Variants in AFG1L observed in about 807,000 individuals in gnomAD.
AFG1L encodes AFG1-like ATPase.
A neutral mutation model predicts 62.2 loss-of-function variants in AFG1L; 53 were observed. The observed-to-expected ratio is 0.85, with a 90% confidence interval of 0.68 to 1.07. The LOEUF (loss-of-function observed/expected upper bound fraction) is 1.07, where lower values mean the gene tolerates loss of function less well. AFG1L is among the 50% of genes least tolerant of loss of function. AFG1L has a pLI of 0.00. For missense variants in AFG1L, 555 were observed against 590.5 expected (o/e 0.94, Z 0.62); for synonymous variants, 228 against 210.3 (o/e 1.08, Z -0.73).
At chr6:108,364,865 C>CAA (rs869268005) in intron 5 of AFG1L, among the ~76,000 whole-genome samples, 3 of 94,154 alleles carry the variant, frequency 3.2e-5, no homozygotes, top group Non-Finnish European at 6.4e-5. Flanking sequence ...CTGAGACAGC[C>CAA]AAAAAAAAAA....
chr6:108,296,678 A>G (rs1411268413), intron 1 of AFG1L, among the ~76,000 whole-genome samples: 3 of 152,188 alleles, frequency 2.0e-5, no homozygotes, highest in Non-Finnish European at 4.4e-5. Context: ...CCATATCAAT[A>G]CCATATCAAT....
At chr6:108,313,205 A>G (rs1777477298) in intron 1 of AFG1L, among the ~76,000 whole-genome samples, 1 of 152,160 alleles carries the variant, frequency 6.6e-6, no homozygotes, top group South Asian at 2.1e-4. Context: ...CAGAGCCCAC[A>G]TTCCTTCCAC....
At chr6:108,346,043 G>A (rs1370708773) in intron 2 of AFG1L, among the ~76,000 whole-genome samples, 1 of 152,202 alleles carries the variant, frequency 6.6e-6, no homozygotes, top group Non-Finnish European at 1.5e-5. Context: ...AAATGGTAGA[G>A]GGGATGTACA....
intron 2 of AFG1L, among the ~76,000 whole-genome samples, chr6:108,343,594 T>A (rs995935909): frequency 1.3e-5 from 2 of 152,186 alleles, no homozygotes; most frequent in Non-Finnish European, 2.9e-5. Flanking sequence ...TAGAATATAC[T>A]TAGAGATTAT....
At chr6:108,485,453 G>T (rs1431180192) in intron 10 of AFG1L, among the ~76,000 whole-genome samples, 1 of 150,552 alleles carries the variant, frequency 6.6e-6, no homozygotes, top group Non-Finnish European at 1.5e-5. Context: ...ATTATTTTGA[G>T]GATTGGATCT....
intron 2 of AFG1L, among the ~76,000 whole-genome samples, chr6:108,331,334 G>A (rs1418883065): frequency 2.6e-5 from 4 of 152,060 alleles, no homozygotes; most frequent in Non-Finnish European, 5.9e-5. Context: ...ACTTCATTAT[G>A]GTGGACTTAT....
intron 8 of AFG1L, among the ~76,000 whole-genome samples, chr6:108,470,826 C>T (rs1191987847): frequency 6.6e-6 from 1 of 152,090 alleles, no homozygotes; most frequent in Non-Finnish European, 1.5e-5. Context: ...TTGTACTCCT[C>T]CCAGCTGTAC....
At chr6:108,299,244 G>C (rs1776888473) in intron 1 of AFG1L, among the ~76,000 whole-genome samples, 1 of 148,558 alleles carries the variant, frequency 6.7e-6, no homozygotes, top group Non-Finnish European at 1.5e-5. Context: ...CTGGGGGACA[G>C]AGCAAGACTC....
At position 108,335,003 on chromosome 6, in the gene AFG1L, T is replaced by C. The variant is rs549103248; in HGVS notation, c.363+10955T>C. Among the ~76,000 whole-genome samples, 10 of 152,124 alleles carry C rather than the reference T, an allele frequency of 6.6e-5. No individual in the cohort carries two copies. In the East Asian group the frequency reaches 7.7e-4, roughly 12 times the overall value. On this transcript the variant is annotated intron_variant, in intron 2 of 12. Transcript: ENST00000368977. ...AGATATTGTATTTCTTTCTTTCTTT[T>C]TTTTTTTTGAGATGGAGTCTCACTC... is the stretch of plus-strand genomic sequence containing the variant.
At chr6:108,522,087 C>T in intron 12 of AFG1L, 3 of 338,226 alleles carry the variant, frequency 8.9e-6, no homozygotes, top group Non-Finnish European at 1.6e-5. Flanking sequence ...TTTAAGTTTT[C>T]TCTCTGATAA....
intron 1 of AFG1L, 84 bp downstream of exon 1, chr6:108,295,302 C>G (rs534865993): frequency 2.4e-5 from 35 of 1,458,402 alleles, no homozygotes; most frequent in African/African-American, 2.1e-4. Context: ...TCCGATCTAC[C>G]CCAGGTGTCT....
chr6:108,464,944 A>G (rs1281582489), intron 8 of AFG1L, among the ~76,000 whole-genome samples: 2 of 152,334 alleles, frequency 1.3e-5, no homozygotes, highest in East Asian at 3.9e-4. Context: ...TGATGGGGCA[A>G]TTACTCAGAA....
chr6:108,519,819 T>A lies in AFG1L; in HGVS notation c.1317+9T>A. ...ATTTGGGGCTGAGCCAGGTAGGCGA[T>A]ATTAACATAATCTCTTTTTATTATA... On this transcript the variant is annotated intron_variant, in intron 12 of 12. Coordinates refer to ENST00000368977, the MANE Select transcript of AFG1L (RefSeq NM_145315.5). The A allele has an allele frequency of 6.6e-7, 1 of 1,526,196 alleles. No homozygotes were observed. The highest frequency in any genetic ancestry group is 9.0e-7 in the Non-Finnish European group (1 of 1,112,094). 94.5% of individuals were successfully genotyped at this position (1,526,196 alleles called of 1,614,324 possible).
intron 7 of AFG1L, among the ~76,000 whole-genome samples, chr6:108,440,082 T>C (rs1205366393): frequency 2.0e-5 from 3 of 152,264 alleles, no homozygotes; most frequent in Non-Finnish European, 4.4e-5. Context: ...CAAACTTTTT[T>C]CTGAGAAAGG....
intron 11 of AFG1L, among the ~76,000 whole-genome samples, chr6:108,515,229 T>C (rs1562207175): frequency 2.0e-5 from 3 of 152,102 alleles, no homozygotes; most frequent in African/African-American, 2.4e-5. Context: ...CAATCCAAAA[T>C]TGACCACATA....
At chr6:108,401,434 G>T (rs1781611071) in intron 6 of AFG1L, among the ~76,000 whole-genome samples, 1 of 151,922 alleles carries the variant, frequency 6.6e-6, no homozygotes, top group South Asian at 2.1e-4. Context: ...GAGCCACCGC[G>T]CCCGGCCGCC....
intron 5 of AFG1L, among the ~76,000 whole-genome samples, chr6:108,360,954 C>G (rs529356335): frequency 6.6e-6 from 1 of 152,332 alleles, no homozygotes; most frequent in Non-Finnish European, 1.5e-5. Context: ...ACAGAGTGGT[C>G]CCTCTGTTCT....
At chr6:108,297,740 A>G (rs1776823386) in intron 1 of AFG1L, among the ~76,000 whole-genome samples, 1 of 151,628 alleles carries the variant, frequency 6.6e-6, no homozygotes, top group Non-Finnish European at 1.5e-5. Context: ...CTGTAGTCCC[A>G]GCTACTTGGG....
intron 2 of AFG1L, among the ~76,000 whole-genome samples, chr6:108,343,427 G>A (rs1169172587): frequency 5.3e-5 from 8 of 151,716 alleles, no homozygotes; most frequent in Non-Finnish European, 1.0e-4. Context: ...CCTTTTCCCT[G>A]AACTTCATTT....
Sources: gnomAD v4.1 joint callset for allele counts (sites outside exome capture counted in the v4.1 genomes callset) on GRCh38, gnomAD v4.1.1 for gene constraint, MANE v1.5 for transcripts, NCBI Gene and HGNC (gene_info 2026-07-23, HGNC 2026-07-21) for gene names.